Variants in IQGAP1 observed in about 807,000 individuals in gnomAD.
IQGAP1 encodes the protein IQ motif containing GTPase activating protein 1.
A neutral mutation model predicts 215.6 loss-of-function variants in IQGAP1; 66 were observed. The observed-to-expected ratio is 0.31, with a 90% CI of 0.25 to 0.38. IQGAP1 has a LOEUF of 0.38. Ranked by LOEUF, IQGAP1 falls within the 10% of genes least tolerant of loss-of-function variation. The probability of loss-of-function intolerance (pLI) is 1.00; values close to 1 mark genes in which losing one functional copy is unlikely to be tolerated. For missense variants in IQGAP1, 1,712 were observed against 1,997.1 expected, an observed-to-expected ratio of 0.86 and a Z score of 2.72; for synonymous variants, 772 against 728.7, an observed-to-expected ratio of 1.06 and a Z score of -0.96.
At chr15:90,447,569 A>G (rs1000767292) in intron 9 of IQGAP1, among the ~76,000 whole-genome samples, 1 of 152,156 alleles carries the variant, frequency 6.6e-6, no homozygotes, top group African/African-American at 2.4e-5. Context: ...TCAGATGTTT[A>G]TCTGTGAGTG....
intron 10 of IQGAP1, 78 bp from the exon 11 acceptor site, chr15:90,449,481 C>G (rs1965570878): frequency 8.3e-7 from 1 of 1,202,870 alleles, no homozygotes; most frequent in Non-Finnish European, 1.2e-6. Context: ...CTAGTGACTG[C>G]TTTTGAGAGA....
At chr15:90,492,136 C>G (rs1408865382) in intron 34 of IQGAP1, among the ~76,000 whole-genome samples, 2 of 152,148 alleles carry the variant, frequency 1.3e-5, no homozygotes, top group African/African-American at 4.8e-5. Context: ...CTGAATTTCT[C>G]TGTTAATTTG....
intron 7 of IQGAP1, 50 bp from the exon 8 acceptor site, chr15:90,441,456 T>G: frequency 6.7e-7 from 1 of 1,491,136 alleles, no homozygotes; most frequent in South Asian, 1.2e-5. Flanking sequence ...TCCTGTAATC[T>G]ATATAATCTC....
At chr15:90,389,132 A>G (rs1315072734) in intron 1 of IQGAP1, among the ~76,000 whole-genome samples, 1 of 152,102 alleles carries the variant, frequency 6.6e-6, no homozygotes, top group Non-Finnish European at 1.5e-5. Context: ...ATCAACAGTT[A>G]TACGTGAGGT....
Position 90,483,376 on chromosome 15 carries a change from C to T in IQGAP1, c.3571C>T (p.Leu1191Phe). ...TCTGTTCCAGATTATTGGTAACTTG[C>T]TTTATTATCGATACATGAATCCAGC... ...DELLKIIGNLLYYRYMNPAIV... is the reference protein window; with the variant it reads ...DELLKIIGNLFYYRYMNPAIV... The change falls in exon 29 of 38, where the codon CTT (leucine) becomes TTT (phenylalanine). Residue 1191 changes from leucine to phenylalanine, a missense_variant. Around this residue, in one of 2 missense-constraint regions of IQGAP1, gnomAD observed 691 missense variants for 923.0 expected, o/e 0.75. Transcript: ENST00000268182. 1 of 1,613,406 alleles carries T rather than the reference C, an allele frequency of 6.2e-7. No individual in the cohort carries two copies. The highest frequency in any genetic ancestry group is 8.5e-7 in the Non-Finnish European group (1 of 1,179,392).
intron 13 of IQGAP1, 46 bp from the exon 14 acceptor site, chr15:90,454,382 A>G (rs1567131863): frequency 6.2e-7 from 1 of 1,610,470 alleles, no homozygotes; most frequent in East Asian, 2.2e-5. Context: ...TTGAATATTT[A>G]AACATGCTGT....
In IQGAP1 at chr15:90,485,065, T is replaced by C. The variant is rs564470193; in HGVS notation, c.3921+713T>C. On this transcript the variant is annotated intron_variant, in intron 30 of 37. Transcript: ENST00000268182. ...GAATACTAGCTTTCTCTGTGTAGCCTTGGAGTGGATTTTTCCCTTGGAAGC... is the reference window on the plus strand; with the variant it reads ...GAATACTAGCTTTCTCTGTGTAGCCCTGGAGTGGATTTTTCCCTTGGAAGC... Among the ~76,000 whole-genome samples the C allele has an allele frequency of 5.8e-4, 89 of 152,358 alleles. 1 individual carries two copies. Among genetic ancestry groups the C allele is most frequent in the African/African-American group, 2.1e-3 (87 of 41,582 alleles).
intron 15 of IQGAP1, among the ~76,000 whole-genome samples, chr15:90,459,429 A>G (rs1020495490): frequency 1.3e-5 from 2 of 152,226 alleles, no homozygotes; most frequent in African/African-American, 4.8e-5. Context: ...GTGGAAAAAA[A>G]CAGTATGTCT....
intron 15 of IQGAP1, among the ~76,000 whole-genome samples, chr15:90,463,922 ATGT>A (rs1332476674): frequency 1.3e-5 from 2 of 152,134 alleles, no homozygotes; most frequent in African/African-American, 4.8e-5. Flanking sequence ...ATGGAGTGAA[ATGT>A]TGTGTCTTTC....
rs373776766 is a variant in IQGAP1, at chr15:90,450,080, T to C, written c.1162+437T>C. Reference sequence around the variant, plus strand: ...ATCATCCTACTGTGCTATCTAACACTAGACCTATTCCTTGTATCTAATGGT... The same window carrying C: ...ATCATCCTACTGTGCTATCTAACACCAGACCTATTCCTTGTATCTAATGGT... On this transcript the variant is annotated intron_variant, in intron 11 of 37. Transcript: ENST00000268182. Among the ~76,000 whole-genome samples the C allele has an allele frequency of 3.3e-4, 51 of 152,322 alleles. No homozygotes were observed. The South Asian group carries it at 6.0e-3, about 18-fold the overall frequency.
chr15:90,444,277 G>GTA (rs1567128216), intron 9 of IQGAP1, among the ~76,000 whole-genome samples: 1 of 111,056 alleles, frequency 9.0e-6, no homozygotes, highest in Non-Finnish European at 1.7e-5. Flanking sequence ...GTGTGTGTGT[G>GTA]TGTATATATA....
intron 3 of IQGAP1, among the ~76,000 whole-genome samples, chr15:90,428,412 A>G (rs1965256454): frequency 6.6e-6 from 1 of 152,080 alleles, no homozygotes; most frequent in African/African-American, 2.4e-5. Flanking sequence ...TATTCTGAAG[A>G]CAACTCTGGA....
In IQGAP1 at chr15:90,410,438, A is replaced by G. The variant is rs180949743; in HGVS notation, c.156-15672A>G. ...ATAGCAAACACTTGGAACCAACCCAAATGTCCATCAGTGATAGACTGGATT... is the reference window on the plus strand; with the variant it reads ...ATAGCAAACACTTGGAACCAACCCAGATGTCCATCAGTGATAGACTGGATT... On this transcript the variant is annotated intron_variant, in intron 2 of 37. Coordinates refer to ENST00000268182, the MANE Select transcript of IQGAP1 (RefSeq NM_003870.4). 1.5e-4 allele frequency among the ~76,000 whole-genome samples: 23 copies of G among 152,338 alleles called. No homozygotes were observed. In the East Asian group the frequency reaches 4.0e-3, roughly 27 times the overall value.
rs137890648 is a variant in IQGAP1 at position 90,407,249 on chromosome 15, A to G, written c.155+16376A>G. On this transcript the variant is annotated intron_variant, in intron 2 of 37. Transcript: ENST00000268182. ...GACCAGGATGATAAAGGGTCTACCA[A>G]TTATGATCTATGAAGAATAATTGGG... 1.1e-4 allele frequency among the ~76,000 whole-genome samples: 16 copies of G among 152,378 alleles called. No individual in the cohort carries two copies. The East Asian group carries it at 1.5e-3, about 15-fold the overall frequency.
Position 90,452,860 on chromosome 15 carries a change from C to T in IQGAP1, c.1248C>T (p.Ala416=), listed in dbSNP as rs1965624644. 1.2e-6 allele frequency: 2 copies of T among 1,613,962 alleles called. No individual in the cohort carries two copies. The highest frequency in any genetic ancestry group is 2.7e-5 in the African/African-American group (2 of 74,892). ...TTTTGGAACTGATGAATCCCGAAGC[C>T]CAGCTGCCCCAGGTGTATCCATTTG... ...KTVLELMNPE[A]QLPQVYPFAA... Residue 416 remains alanine, a synonymous_variant, in exon 12 of 38, where the codon GCC becomes GCT. Coordinates refer to ENST00000268182, the MANE Select transcript of IQGAP1 (RefSeq NM_003870.4).
chr15:90,425,183 G>A (rs1965203522), intron 2 of IQGAP1, among the ~76,000 whole-genome samples: 1 of 152,086 alleles, frequency 6.6e-6, no homozygotes, highest in African/African-American at 2.4e-5. Context: ...GGTGGTGCAT[G>A]CCTGGAGTCC....
chr15:90,440,561 T>A lies in IQGAP1; in HGVS notation c.595T>A (p.Phe199Ile). 6.4e-7 allele frequency: 1 copy of A among 1,571,360 alleles called. No individual in the cohort carries two copies. The highest frequency in any genetic ancestry group is 2.3e-5 in the East Asian group (1 of 43,664). Residue 199 changes from phenylalanine to isoleucine, a missense_variant, in exon 7 of 38, where the codon TTT (phenylalanine) becomes ATT (isoleucine). Physicochemically the swap from Phe to Ile is conservative, Grantham distance 21 (BLOSUM62 0). This residue lies in a region of IQGAP1 where 1,021 missense variants were observed against 1,074.2 expected (regional missense o/e 0.95). Coordinates refer to ENST00000268182, the MANE Select transcript of IQGAP1 (RefSeq NM_003870.4). ...LEKYGIQMPA[F>I]SKIGGILANE... Reference sequence around the variant, plus strand: ...GAAGTATGGCATCCAGATGCCTGCCTTTAGCAAGATTGGGGGCATCTTGGC... The same window carrying A: ...GAAGTATGGCATCCAGATGCCTGCCATTAGCAAGATTGGGGGCATCTTGGC...
chr15:90,466,463 C>T lies in IQGAP1; in HGVS notation c.2035+27C>T, dbSNP rs749915435. ...TGAGTTCTGGGATAATACATATGTG[C>T]CCTGAAGCTAACCCTTGAGTATATG... On this transcript the variant is annotated intron_variant, in intron 17 of 37. Transcript: ENST00000268182. 3 of 1,610,648 alleles carry T rather than the reference C, an allele frequency of 1.9e-6. No individual in the cohort carries two copies. The East Asian group carries it at 6.7e-5, about 36-fold the overall frequency.
At chr15:90,399,600 C>G (rs1321114268) in intron 2 of IQGAP1, among the ~76,000 whole-genome samples, 1 of 152,112 alleles carries the variant, frequency 6.6e-6, no homozygotes, top group Non-Finnish European at 1.5e-5. Flanking sequence ...TTTCTTCTAT[C>G]AACTCGAAGT....
Sources: allele counts gnomAD v4.1 joint callset (sites outside exome capture counted in the v4.1 genomes callset), GRCh38; gene constraint gnomAD v4.1.1; regional missense constraint gnomAD v4.1.1; transcripts MANE v1.5; gene names NCBI Gene and HGNC (gene_info 2026-07-23, HGNC 2026-07-21).